ELMO1: variants seen among roughly 807,000 people sequenced by gnomAD.
The protein encoded by ELMO1 is engulfment and cell motility protein 1.
A neutral mutation model predicts 98.9 loss-of-function variants in ELMO1; 26 were observed. The observed-to-expected ratio is 0.26, with a 90% CI of 0.19 to 0.36. The LOEUF (loss-of-function observed/expected upper bound fraction) is 0.36, where lower values mean the gene tolerates loss of function less well. ELMO1 is among the 10% of genes least tolerant of loss of function. The probability of loss-of-function intolerance (pLI) is 1.00; values close to 1 mark genes in which losing one functional copy is unlikely to be tolerated. For missense variants in ELMO1, 627 were observed against 935.2 expected, an observed-to-expected ratio of 0.67 and a Z score of 4.30; for synonymous variants, 346 against 346.0, an observed-to-expected ratio of 1.00 and a Z score of 0.00.
intron 13 of ELMO1, among the ~76,000 whole-genome samples, chr7:37,191,188 CAA>C (rs70975003): frequency 5.3e-5 from 5 of 94,112 alleles, no homozygotes; most frequent in Non-Finnish European, 7.9e-5. Context: ...GACTCTGTCT[CAA>C]AAAAAAAAAA....
chr7:37,232,269 A>G (rs544301179), intron 8 of ELMO1, among the ~76,000 whole-genome samples: 1 of 152,364 alleles, frequency 6.6e-6, no homozygotes, highest in South Asian at 2.1e-4. Flanking sequence ...TTATAAAATA[A>G]AGTTATGAAT....
At chr7:37,048,719 C>A (rs189548039) in intron 15 of ELMO1, among the ~76,000 whole-genome samples, 1 of 152,298 alleles carries the variant, frequency 6.6e-6, no homozygotes, top group Non-Finnish European at 1.5e-5. Flanking sequence ...CAGAGTGATT[C>A]CTTTAACATT....
intron 13 of ELMO1, among the ~76,000 whole-genome samples, chr7:37,144,819 T>C (rs1267812893): frequency 6.6e-6 from 1 of 152,152 alleles, no homozygotes; most frequent in East Asian, 1.9e-4. Context: ...CTAGTCTGAG[T>C]ATCTAGTTCC....
At chr7:37,216,796 T>TA in intron 10 of ELMO1, 101 bp from the exon 11 acceptor site, 1 of 1,117,844 alleles carries the variant, frequency 8.9e-7, no homozygotes, top group Non-Finnish European at 1.4e-6. Flanking sequence ...CGTAACTGTA[T>TA]ATCAGCAGTA....
intron 16 of ELMO1, among the ~76,000 whole-genome samples, chr7:36,944,157 T>C (rs1562844529): frequency 6.6e-6 from 1 of 152,164 alleles, no homozygotes; most frequent in African/African-American, 2.4e-5. Context: ...ACTTTCCCTA[T>C]TTTAAACATA....
At chr7:37,164,432 T>C (rs1377414575) in intron 13 of ELMO1, among the ~76,000 whole-genome samples, 1 of 152,232 alleles carries the variant, frequency 6.6e-6, no homozygotes, top group African/African-American at 2.4e-5. Context: ...TCCTGAATAG[T>C]AATGCCTAGG....
intron 13 of ELMO1, among the ~76,000 whole-genome samples, chr7:37,187,674 A>G (rs1254985348): frequency 1.3e-5 from 2 of 152,196 alleles, no homozygotes; most frequent in East Asian, 3.8e-4. Context: ...GTAAAGAAAA[A>G]TGACCATGCA....
intron 1 of ELMO1, among the ~76,000 whole-genome samples, chr7:37,383,408 A>T (rs1034041004): frequency 6.6e-6 from 1 of 152,260 alleles, no homozygotes; most frequent in African/African-American, 2.4e-5. Context: ...GAGTGATGCT[A>T]TATCAGAGGG....
In ELMO1 at chr7:37,228,201, T is replaced by C. The variant is rs188327340; in HGVS notation, c.550-3171A>G. On this transcript the variant is annotated intron_variant, in intron 8 of 21. Transcript: ENST00000310758. ...GCATCAGGGCTGATCCAAGTGAATG[T>C]AATAACTGTCGTCCTCCAGGGAGCT... 3.1e-4 allele frequency among the ~76,000 whole-genome samples: 47 copies of C among 152,364 alleles called. 1 individual carries two copies. The East Asian group carries it at 9.1e-3, about 29-fold the overall frequency.
chr7:37,335,413 G>T (rs1800346736), intron 2 of ELMO1, among the ~76,000 whole-genome samples: 1 of 152,080 alleles, frequency 6.6e-6, no homozygotes, highest in South Asian at 2.1e-4. Context: ...AAACAGAGGG[G>T]TACCTGGGAA....
intron 15 of ELMO1, among the ~76,000 whole-genome samples, chr7:37,024,624 C>T (rs1183890455): frequency 6.6e-6 from 1 of 152,132 alleles, no homozygotes; most frequent in Non-Finnish European, 1.5e-5. Flanking sequence ...GTGATCCCAA[C>T]CAAGTCTGTT....
intron 15 of ELMO1, among the ~76,000 whole-genome samples, chr7:37,087,610 A>G (rs1783858395): frequency 6.6e-6 from 1 of 152,186 alleles, no homozygotes; most frequent in South Asian, 2.1e-4. Flanking sequence ...CATATTTTCA[A>G]GCTCCTCTTG....
intron 15 of ELMO1, among the ~76,000 whole-genome samples, chr7:37,045,625 C>A (rs927416111): frequency 6.6e-6 from 1 of 152,046 alleles, no homozygotes; most frequent in Non-Finnish European, 1.5e-5. Context: ...CTTATTTGAA[C>A]TTGGGAGGAA....
intron 15 of ELMO1, among the ~76,000 whole-genome samples, chr7:37,021,124 G>C (rs377565409): frequency 2.0e-5 from 3 of 152,216 alleles, no homozygotes; most frequent in South Asian, 4.2e-4. Flanking sequence ...GTACTGCGTG[G>C]GGAGATGCTA....
At chr7:37,324,693 T>C (rs894019643) in intron 2 of ELMO1, among the ~76,000 whole-genome samples, 5 of 152,224 alleles carry the variant, frequency 3.3e-5, no homozygotes, top group African/African-American at 4.8e-5. Flanking sequence ...GGGATTCTCC[T>C]GTCTTAGCCT....
chr7:37,171,483 A>ATTTT (rs71780142), intron 13 of ELMO1, among the ~76,000 whole-genome samples: 17,567 of 82,362 alleles, frequency 0.21, 6,690 homozygotes, highest in Non-Finnish European at 0.3. Context: ...AGGCCTTTCT[A>ATTTT]TTTTTTTTTT....
At chr7:36,910,040 G>A (rs779053817) in intron 16 of ELMO1, among the ~76,000 whole-genome samples, 8 of 152,186 alleles carry the variant, frequency 5.3e-5, no homozygotes, top group Non-Finnish European at 1.2e-4. Context: ...GAAACTAGGG[G>A]TGAGGTGGGC....
chr7:37,097,677 T>C (rs1175161172), intron 14 of ELMO1, among the ~76,000 whole-genome samples: 1 of 152,090 alleles, frequency 6.6e-6, no homozygotes, highest in Non-Finnish European at 1.5e-5. Context: ...CTGGCTCAAC[T>C]ATGCTGACGG....
At chr7:37,219,375 G>C (rs924643909) in intron 10 of ELMO1, among the ~76,000 whole-genome samples, 2 of 152,138 alleles carry the variant, frequency 1.3e-5, no homozygotes, top group East Asian at 1.9e-4. Context: ...ATGGAGTCCT[G>C]TGAATGTGTC....
Sources: allele counts gnomAD v4.1 joint callset (sites outside exome capture counted in the v4.1 genomes callset), GRCh38; gene constraint gnomAD v4.1.1; transcripts MANE v1.5; gene names NCBI Gene and HGNC (gene_info 2026-07-23, HGNC 2026-07-21).